Variants in WDPCP observed in about 807,000 individuals in gnomAD.
WDPCP encodes WD repeat containing planar cell polarity effector.
WDPCP carries 71 observed loss-of-function variants against 93.1 expected under a neutral mutation model. That is an observed-to-expected ratio of 0.76 (90% CI 0.63 to 0.93). The LOEUF (loss-of-function observed/expected upper bound fraction) is 0.93. WDPCP is among the 40% of genes least tolerant of loss of function. The pLI, the probability that WDPCP is intolerant of heterozygous loss-of-function variation, is 0.00. For missense variants in WDPCP, 844 were observed against 887.4 expected, an observed-to-expected ratio of 0.95 and a Z score of 0.62; for synonymous variants, 315 against 315.0, an observed-to-expected ratio of 1.00 and a Z score of 0.00.
At chr2:63,429,947 G>A (rs371579679) in intron 9 of WDPCP, among the ~76,000 whole-genome samples, 5 of 149,452 alleles carry the variant, frequency 3.3e-5, no homozygotes, top group East Asian at 2.0e-4. Context: ...GGTGCCCATC[G>A]AATGGTGGAC....
intron 1 of WDPCP, among the ~76,000 whole-genome samples, chr2:63,498,782 T>C (rs925878678): frequency 6.6e-6 from 1 of 152,192 alleles, no homozygotes; most frequent in African/African-American, 2.4e-5. Context: ...TGAAACATGA[T>C]AGCAAAGAAA....
At chr2:63,502,026 C>G (rs550165079) in intron 1 of WDPCP, among the ~76,000 whole-genome samples, 5 of 152,208 alleles carry the variant, frequency 3.3e-5, no homozygotes, top group Admixed American at 6.5e-5. Context: ...ATGTGTTCTC[C>G]TCCAAGCTGC....
Position 63,406,938 on chromosome 2 carries a change from G to T in WDPCP, c.826-2281C>A, listed in dbSNP as rs534716515. On this transcript the variant is annotated intron_variant, in intron 9 of 17. Coordinates refer to ENST00000272321, the MANE Select transcript of WDPCP (RefSeq NM_015910.7). ...AAGACAAAGGGACCTTTCTGCTTCT[G>T]TGGTTTTCTCAATTTCCTTCAGCTT... 1.1e-4 allele frequency among the ~76,000 whole-genome samples: 16 copies of T among 152,226 alleles called. 1 individual carries two copies. The highest frequency in any genetic ancestry group is 3.6e-4 in the African/African-American group (15 of 41,546).
At chr2:63,567,235 G>A (rs974634458) in intron 1 of WDPCP, among the ~76,000 whole-genome samples, 1 of 152,156 alleles carries the variant, frequency 6.6e-6, no homozygotes. Context: ...AGGTCAGGGA[G>A]TGGGGCTGAA....
At chr2:63,460,212 T>A (rs1698913415) in intron 6 of WDPCP, among the ~76,000 whole-genome samples, 1 of 152,076 alleles carries the variant, frequency 6.6e-6, no homozygotes, top group African/African-American at 2.4e-5. Flanking sequence ...GGTCAGTATG[T>A]TAAATGAAAT....
chr2:63,395,493 T>G (rs1693642718), intron 10 of WDPCP, among the ~76,000 whole-genome samples: 1 of 152,188 alleles, frequency 6.6e-6, no homozygotes, highest in African/African-American at 2.4e-5. Flanking sequence ...TTTTTGACTT[T>G]GTTTTACAGC....
rs60258966 is a variant in WDPCP, at chr2:63,671,710, G to A, written n.309-20872C>T. Among the ~76,000 whole-genome samples the A allele has an allele frequency of 2.6e-4, 40 of 152,088 alleles. No homozygotes were observed. In the East Asian group the frequency reaches 6.2e-3, roughly 24 times the overall value. ...TTACAGGTGCACGCCACCACACCCC[G>A]CCAATCTTTGCATATTTAATCCCAA... On this transcript the variant is annotated intron_variant and non_coding_transcript_variant, in intron 2 of 4. Transcript: ENST00000467687.
intron 3 of WDPCP, among the ~76,000 whole-genome samples, chr2:63,609,725 A>ACC (rs533535982): frequency 3.9e-4 from 59 of 152,292 alleles, no homozygotes; most frequent in Admixed American, 3.9e-3. Flanking sequence ...ATAAAAAATT[A>ACC]GCCAGGCATG....
chr2:63,787,346 C>T (rs1670484033), intron 2 of WDPCP, among the ~76,000 whole-genome samples: 1 of 150,310 alleles, frequency 6.7e-6, no homozygotes, highest in Admixed American at 6.6e-5. Context: ...ACACCATAAG[C>T]AAAGTGCGCT....
intron 12 of WDPCP, among the ~76,000 whole-genome samples, chr2:63,354,111 C>T (rs1689830840): frequency 6.6e-6 from 1 of 152,118 alleles, no homozygotes; most frequent in African/African-American, 2.4e-5. Context: ...CCCTAAATGC[C>T]TTATCCACAC....
intron 13 of WDPCP, among the ~76,000 whole-genome samples, chr2:63,309,342 G>A (rs866928967): frequency 7.9e-5 from 12 of 152,160 alleles, no homozygotes; most frequent in East Asian, 5.8e-4. Context: ...ACCTAATACC[G>A]TATCATCAAA....
chr2:63,673,392 G>A (rs968475950), intron 2 of WDPCP, among the ~76,000 whole-genome samples: 2 of 152,162 alleles, frequency 1.3e-5, no homozygotes, highest in Admixed American at 6.5e-5. Flanking sequence ...AAAGGAGAGA[G>A]AGAAGGAAAG....
intron 12 of WDPCP, among the ~76,000 whole-genome samples, chr2:63,322,278 A>G (rs1687167173): frequency 1.3e-5 from 2 of 152,182 alleles, no homozygotes. Flanking sequence ...TGTAAAATGG[A>G]CCAATCAGCA....
At chr2:63,223,228 T>G (rs1440549318) in intron 14 of WDPCP, among the ~76,000 whole-genome samples, 1 of 152,148 alleles carries the variant, frequency 6.6e-6, no homozygotes, top group Non-Finnish European at 1.5e-5. Flanking sequence ...GAATGTTGGG[T>G]GAGTTTTGAC....
At chr2:63,687,180 G>A (rs955327189) in intron 2 of WDPCP, among the ~76,000 whole-genome samples, 8 of 152,178 alleles carry the variant, frequency 5.3e-5, no homozygotes, top group African/African-American at 1.9e-4. Context: ...AAGGGCCATG[G>A]GTTGGACAAG....
At position 63,564,776 on chromosome 2, in the gene WDPCP, AC is replaced by A. The variant is rs1706900199; in HGVS notation, c.75+23420del. Among the ~76,000 whole-genome samples, 3 of 122,326 alleles carry A rather than the reference AC, an allele frequency of 2.5e-5. No homozygotes were observed. In the Admixed American group the frequency reaches 2.7e-4, roughly 11 times the overall value. The allele number at this position is 122,326 out of a possible 152,430, so 80.3% of individuals were successfully genotyped here. ...TGATGTTACTAAAGCTTAAAACTGC[AC>A]CTTTTTTTTTTTTTTTTTGAGACAG... is the stretch of plus-strand genomic sequence containing the variant. On this transcript the variant is annotated intron_variant, in intron 1 of 17. Transcript: ENST00000272321.
chr2:63,704,507 AG>A (rs1176533001), intron 2 of WDPCP, among the ~76,000 whole-genome samples: 2 of 152,174 alleles, frequency 1.3e-5, no homozygotes, highest in African/African-American at 4.8e-5. Context: ...TTTAGCATGA[AG>A]GGTTGTTGAA....
chr2:63,654,879 A>G (rs1270739078), intron 2 of WDPCP, among the ~76,000 whole-genome samples: 1 of 151,942 alleles, frequency 6.6e-6, no homozygotes, highest in Non-Finnish European at 1.5e-5. Context: ...TGGTTGGTTG[A>G]ATCTGTGAAT....
intron 2 of WDPCP, among the ~76,000 whole-genome samples, chr2:63,764,307 T>G (rs2103924553): frequency 6.6e-6 from 1 of 152,166 alleles, no homozygotes; most frequent in East Asian, 1.9e-4. Context: ...AATTGTAACT[T>G]TAATAATAGG....
Sources: allele counts gnomAD v4.1 joint callset (sites outside exome capture counted in the v4.1 genomes callset), GRCh38; gene constraint gnomAD v4.1.1; transcripts MANE v1.5; gene names NCBI Gene and HGNC (gene_info 2026-07-23, HGNC 2026-07-21).